CDCP2: variants seen among roughly 807,000 people sequenced by gnomAD.
CDCP2 encodes the protein CUB domain containing protein 2.
CDCP2 carries 31 observed loss-of-function variants against 31.0 expected under a neutral mutation model. That is an observed-to-expected ratio of 1.00 (90% CI 0.75 to 1.35). The LOEUF is 1.35. CDCP2 is among the 40% of genes most tolerant of loss of function. The pLI is 0.00. For synonymous variants in CDCP2, 206 were observed against 207.9 expected (o/e 0.99, Z 0.08); for missense variants, 443 against 482.6 (o/e 0.92, Z 0.77).
intron 1 of CDCP2, among the ~76,000 whole-genome samples, chr1:54,145,041 G>A (rs1365272565): frequency 6.6e-6 from 1 of 152,122 alleles, no homozygotes; most frequent in South Asian, 2.1e-4. Flanking sequence ...TAGGTGCTGG[G>A]GTCACAGCAG....
At chr1:54,147,075 CAAAAAAAAAAAAAAA>C (rs71066904) in intron 1 of CDCP2, among the ~76,000 whole-genome samples, 8 of 56,872 alleles carry the variant, frequency 1.4e-4, no homozygotes, top group Admixed American at 1.2e-3. Context: ...GACTCCATCT[CAAAAAAAAAAAAAAA>C]AAAAAAAAAA....
chr1:54,149,221 AC>A (rs1426846227), intron 1 of CDCP2, among the ~76,000 whole-genome samples: 1 of 151,390 alleles, frequency 6.6e-6, no homozygotes, highest in African/African-American at 2.4e-5. Flanking sequence ...ACAGAGAGAG[AC>A]CTTGTCTCTA....
chr1:54,140,511 A>C, intron 3 of CDCP2: 7 of 265,466 alleles, frequency 2.6e-5, no homozygotes, highest in East Asian at 2.4e-4. Context: ...CATACCAAAC[A>C]CTCTCTGCCC....
At position 54,141,105 on chromosome 1, in the gene CDCP2, G is replaced by T. The variant is rs1659361124; in HGVS notation, c.756C>A (p.Tyr252Ter). The change falls in exon 3 of 6, where the codon TAC becomes TAA. Residue 252 changes from tyrosine (Y) to a stop codon, truncating the protein, a stop_gained. Coordinates refer to ENST00000530059, the Ensembl canonical transcript of CDCP2. LOFTEE classifies it high-confidence loss of function. ...AGCGCCAGCCCCTCCTACCTGAGAA[G>T]TAGTAGGCCTTGAAGCCACGGCCTC... The T allele has an allele frequency of 6.5e-7, 1 of 1,526,746 alleles. No individual in the cohort carries two copies. Among genetic ancestry groups the T allele is most frequent in the Non-Finnish European group, 8.8e-7 (1 of 1,138,588 alleles). 94.6% of individuals were successfully genotyped at this position (1,526,746 alleles called of 1,614,324 possible).
intron 5 of CDCP2, among the ~76,000 whole-genome samples, chr1:54,134,074 T>C (rs530131803): frequency 1.3e-4 from 20 of 151,974 alleles, no homozygotes; most frequent in Admixed American, 2.6e-4. Context: ...AACAAAAGAA[T>C]ATAGAACCAA....
downstream of CDCP2, chr1:54,132,906 CT>C: frequency 2.5e-6 from 1 of 398,140 alleles, no homozygotes; most frequent in Non-Finnish European, 4.4e-6. Flanking sequence ...CGTCCCACCC[CT>C]GTTATGGGTC....
At chr1:54,138,666 T>C (rs1486437635) in intron 4 of CDCP2, 1 of 152,202 alleles carries the variant, frequency 6.6e-6, no homozygotes, top group Admixed American at 6.5e-5. Context: ...GATAAGTAAA[T>C]GGCAGCATTT....
chr1:54,144,459 CG>C lies in CDCP2; in HGVS notation c.427+6del, dbSNP rs1557707894. 3 of 1,564,010 alleles carry C rather than the reference CG, an allele frequency of 1.9e-6. No homozygotes were observed. The highest frequency in any genetic ancestry group is 2.6e-6 in the Non-Finnish European group (3 of 1,152,192). ...ACTGCAACAGGTCCCTAAGGCCCCC[CG>C]TTGACCTTTCTGGTAGCCCGCAGAA... On this transcript the variant is annotated splice_donor_region_variant and intron_variant, in intron 2 of 5. Transcript: ENST00000530059.
intron 1 of CDCP2, among the ~76,000 whole-genome samples, chr1:54,146,602 A>C (rs1201333871): frequency 6.6e-6 from 1 of 151,966 alleles, no homozygotes; most frequent in Non-Finnish European, 1.5e-5. Flanking sequence ...CTGTTTACCA[A>C]GAAGGCCTAG....
chr1:54,136,430 C>T (rs945600008), intron 5 of CDCP2, among the ~76,000 whole-genome samples, 200 bp downstream of exon 5: 4 of 152,230 alleles, frequency 2.6e-5, no homozygotes, highest in Non-Finnish European at 4.4e-5. Context: ...ACCCTCTCCT[C>T]TGTCTCTCCT....
intron 2 of CDCP2, chr1:54,141,645 T>A: frequency 1.9e-6 from 1 of 529,746 alleles, no homozygotes; most frequent in Non-Finnish European, 3.3e-6. Flanking sequence ...ATCCTCAGAG[T>A]AGCCGCACAA....
intron 2 of CDCP2, chr1:54,142,754 A>G (rs908399241): frequency 4.6e-5 from 7 of 152,214 alleles, no homozygotes; most frequent in African/African-American, 1.4e-4. Flanking sequence ...GCAGGTTTAG[A>G]TAGCCTGTGA....
intron 1 of CDCP2, among the ~76,000 whole-genome samples, chr1:54,151,772 A>G (rs1659587791): frequency 6.6e-6 from 1 of 152,186 alleles, no homozygotes; most frequent in South Asian, 2.1e-4. Context: ...AGGCCAGAGC[A>G]GCACAAAACC....
At chr1:54,147,778 G>C (rs1659500694) in intron 1 of CDCP2, among the ~76,000 whole-genome samples, 1 of 151,780 alleles carries the variant, frequency 6.6e-6, no homozygotes, top group Admixed American at 6.5e-5. Flanking sequence ...GGAGGGCAAG[G>C]CAGGAGGATC....
Position 54,152,913 on chromosome 1 carries a change from C to A in CDCP2, c.10G>T (p.Glu4Ter), listed in dbSNP as rs1440351610. ...GCCAGCAGCAGGCAAGCCCCCCACT[C>A]TGCCAGCATCTCCTCACCAGGGGCC... The change falls in exon 1 of 6, where the codon GAG (glutamate) becomes TAG (stop). Residue 4 changes from glutamate (E) to a stop codon, truncating the protein, a stop_gained. Coordinates refer to ENST00000530059, the Ensembl canonical transcript of CDCP2. LOFTEE classifies it high-confidence loss of function. 4 of 1,614,100 alleles carry A rather than the reference C, an allele frequency of 2.5e-6. No homozygotes were observed. Among genetic ancestry groups the A allele is most frequent in the African/African-American group, 1.3e-5 (1 of 74,950 alleles).
At chr1:54,143,549 A>T (rs143163897) in intron 2 of CDCP2, 44 of 152,314 alleles carry the variant, frequency 2.9e-4, no homozygotes, top group African/African-American at 1.0e-3. Context: ...AACATTCTAC[A>T]AATCTAAGGG....
At chr1:54,133,913 C>CAACAACAAAAA (rs1659213745) in intron 5 of CDCP2, among the ~76,000 whole-genome samples, 2 of 144,790 alleles carry the variant, frequency 1.4e-5, no homozygotes, top group African/African-American at 5.1e-5. Flanking sequence ...AACAAACAAA[C>CAACAACAAAAA]AAAAAAAACC....
intron 5 of CDCP2, among the ~76,000 whole-genome samples, chr1:54,133,852 A>C (rs1222761286): frequency 2.0e-5 from 3 of 149,822 alleles, no homozygotes; most frequent in African/African-American, 4.9e-5. Context: ...GCTGAGATCG[A>C]GCCACTGCAC....
chr1:54,151,076 G>T (rs1384398687), intron 1 of CDCP2, among the ~76,000 whole-genome samples: 5 of 152,204 alleles, frequency 3.3e-5, no homozygotes, highest in African/African-American at 7.2e-5. Flanking sequence ...GGAGGGGCAA[G>T]ATTTCCAGAG....
Sources: allele counts gnomAD v4.1 joint callset (sites outside exome capture counted in the v4.1 genomes callset), GRCh38; gene constraint gnomAD v4.1.1; transcripts MANE v1.5; gene names NCBI Gene and HGNC (gene_info 2026-07-23, HGNC 2026-07-21).